GRB10: variants seen among roughly 807,000 people sequenced by gnomAD.
The protein encoded by GRB10 is growth factor receptor bound protein 10.
GRB10 carries 20 observed loss-of-function variants against 80.9 expected under a neutral mutation model. The ratio of observed to expected loss-of-function variants is 0.25; its 90% CI spans 0.17 to 0.36. The LOEUF (loss-of-function observed/expected upper bound fraction) is 0.36, where lower values mean the gene tolerates loss of function less well. Ranked by LOEUF, GRB10 falls within the 10% of genes least tolerant of loss-of-function variation. The pLI, the probability that GRB10 is intolerant of heterozygous loss-of-function variation, is 1.00. For missense variants in GRB10, 548 were observed against 747.7 expected (o/e 0.73, Z 3.12); for synonymous variants, 291 against 291.5 (o/e 1.00, Z 0.02).
In GRB10 at chr7:50,703,943, G is replaced by A. The variant is rs373672690; in HGVS notation, c.52-35C>T. ...CAGGACCGCAGCAGAAAGGCTGTGA[G>A]TTCACAAGAAGCATCCCACTCTTTT... On this transcript the variant is annotated intron_variant, in intron 4 of 18. Transcript: ENST00000401949. 56 of 1,470,240 alleles carry A rather than the reference G, an allele frequency of 3.8e-5. No homozygotes were observed. In the African/African-American group the frequency reaches 7.5e-4, roughly 20 times the overall value. The allele number at this position is 1,470,240 out of a possible 1,614,324, so 91.1% of individuals were successfully genotyped here. A position where few individuals can be genotyped will look rare whatever the true frequency, so the allele number is the denominator to read the frequency against.
At chr7:50,737,722 A>G (rs6593145) in intron 3 of GRB10, among the ~76,000 whole-genome samples, 122,487 of 152,176 alleles carry the variant, frequency 0.8, 49,494 homozygotes, top group Middle Eastern at 0.87. Context: ...GGTGGCAGGC[A>G]CCTGCAATCC....
chr7:50,636,753 G>A (rs763104014), intron 7 of GRB10, among the ~76,000 whole-genome samples: 74 of 152,060 alleles, frequency 4.9e-4, no homozygotes, highest in Non-Finnish European at 9.6e-4. Context: ...AGCCATATAG[G>A]ACAAAACCAC....
chr7:50,653,233 C>T (rs1006075554), intron 7 of GRB10, among the ~76,000 whole-genome samples: 1 of 152,176 alleles, frequency 6.6e-6, no homozygotes, highest in Non-Finnish European at 1.5e-5. Context: ...CCAGTGCATG[C>T]TCCGAGGGAG....
At chr7:50,673,953 G>A (rs1021325481) in intron 6 of GRB10, among the ~76,000 whole-genome samples, 1 of 152,136 alleles carries the variant, frequency 6.6e-6, no homozygotes, top group Non-Finnish European at 1.5e-5. Context: ...CAGCCTCCCT[G>A]TTTCCACAGA....
At chr7:50,701,600 AAATAAT>A in intron 5 of GRB10, among the ~76,000 whole-genome samples, 1 of 150,772 alleles carries the variant, frequency 6.6e-6, no homozygotes, top group Non-Finnish European at 1.5e-5. Context: ...AATAAAAATA[AAATAAT>A]AATCATTCGT....
intron 13 of GRB10, among the ~76,000 whole-genome samples, chr7:50,609,516 C>T (rs1433676626): frequency 1.3e-5 from 2 of 152,126 alleles, no homozygotes; most frequent in African/African-American, 4.8e-5. Context: ...TATATATTTA[C>T]ATATATGGGT....
chr7:50,676,804 G>A (rs2061006281), intron 5 of GRB10, among the ~76,000 whole-genome samples: 1 of 152,170 alleles, frequency 6.6e-6, no homozygotes, highest in Non-Finnish European at 1.5e-5. Flanking sequence ...GTAGTGCTTG[G>A]GCTTCTGGAG....
chr7:50,724,959 A>G (rs150546364), intron 4 of GRB10, among the ~76,000 whole-genome samples: 57 of 152,300 alleles, frequency 3.7e-4, no homozygotes, highest in African/African-American at 1.3e-3. Context: ...CAGGTACGCC[A>G]TGATGCCTTT....
chr7:50,601,215 T>A lies in GRB10; in HGVS notation c.1544+2783A>T, dbSNP rs188257933. Among the ~76,000 whole-genome samples the A allele has an allele frequency of 1.6e-3, 250 of 152,334 alleles. 2 individuals are homozygous for A. The highest frequency in any genetic ancestry group is 3.1e-3 in the Non-Finnish European group (212 of 68,024). On this transcript the variant is annotated intron_variant, in intron 17 of 18. Transcript: ENST00000401949. ...TTTGTACAATGAAATGACAGAAGGATAAACAAACACTAATAAAAGCTGTTT... is the reference window on the plus strand; with the variant it reads ...TTTGTACAATGAAATGACAGAAGGAAAAACAAACACTAATAAAAGCTGTTT...
At position 50,744,773 on chromosome 7, in the gene GRB10, C is replaced by T. The variant is rs537932447; in HGVS notation, c.-47+11114G>A. ...GATTAGCATCACATGGCATTTAAAG[C>T]GTATACTTGCAACATTTGAGCTCAC... On this transcript the variant is annotated intron_variant, in intron 3 of 18. Transcript: ENST00000401949. 9.9e-5 allele frequency among the ~76,000 whole-genome samples: 15 copies of T among 152,234 alleles called. No individual in the cohort carries two copies. The South Asian group carries it at 2.9e-3, about 30-fold the overall frequency.
chr7:50,747,072 C>T (rs1031055605), intron 3 of GRB10, among the ~76,000 whole-genome samples: 2 of 152,222 alleles, frequency 1.3e-5, no homozygotes, highest in Admixed American at 6.5e-5. Context: ...CTCAAATCAG[C>T]AGTCTCTCCA....
chr7:50,742,991 T>A (rs1258479949), intron 3 of GRB10, among the ~76,000 whole-genome samples: 6 of 152,140 alleles, frequency 3.9e-5, no homozygotes, highest in Admixed American at 2.6e-4. Flanking sequence ...AAGTACTAGA[T>A]CCCTAACTAA....
chr7:50,756,967 G>A (rs1247138908), intron 2 of GRB10, among the ~76,000 whole-genome samples: 4 of 152,178 alleles, frequency 2.6e-5, no homozygotes, highest in Non-Finnish European at 4.4e-5. Context: ...TGCCTGCAAC[G>A]TGGGTGATCT....
In GRB10 at chr7:50,592,641, C is replaced by T; in HGVS notation, c.*311G>A. 1 of 439,780 alleles carries T rather than the reference C, an allele frequency of 2.3e-6. No homozygotes were observed. Among genetic ancestry groups the T allele is most frequent in the South Asian group, 2.4e-5 (1 of 42,082 alleles). The allele number at this position is 439,780 out of a possible 1,614,324, so 27.2% of individuals were successfully genotyped here. The stretch of plus-strand genomic sequence containing the variant: ...GGCAAGAGTTCATTTCCAATCACTT[C>T]TCTCCGGTTCTTGTTCCTAAGCGGC... On this transcript the variant is annotated 3_prime_UTR_variant, in exon 19 of 19. Transcript: ENST00000401949.
intron 17 of GRB10, among the ~76,000 whole-genome samples, chr7:50,599,157 C>A (rs1163849992): frequency 1.3e-5 from 2 of 152,050 alleles, no homozygotes; most frequent in Non-Finnish European, 2.9e-5. Flanking sequence ...TGTGCGCGCA[C>A]ACGCTCAGCT....
chr7:50,785,872 C>T (rs960317862), upstream of GRB10, among the ~76,000 whole-genome samples: 6 of 152,094 alleles, frequency 3.9e-5, no homozygotes, highest in African/African-American at 7.2e-5. Flanking sequence ...ATGAGATAGA[C>T]GTATCTATGA....
intron 7 of GRB10, among the ~76,000 whole-genome samples, chr7:50,653,705 C>T (rs950904070): frequency 3.9e-5 from 6 of 152,190 alleles, no homozygotes; most frequent in African/African-American, 1.2e-4. Flanking sequence ...AACGATGCAT[C>T]GGGAAGAGAC....
intron 4 of GRB10, chr7:50,727,207 A>G (rs2068793603): frequency 6.6e-6 from 1 of 152,172 alleles, no homozygotes; most frequent in Non-Finnish European, 1.5e-5. Flanking sequence ...AGGCTGTCGA[A>G]TATGTTAGTT....
intron 7 of GRB10, among the ~76,000 whole-genome samples, chr7:50,649,219 A>G (rs911277604): frequency 1.1e-4 from 16 of 152,194 alleles, no homozygotes; most frequent in African/African-American, 3.6e-4. Flanking sequence ...CAGAGAACAA[A>G]CAAAATAATC....
Sources: allele counts gnomAD v4.1 joint callset (sites outside exome capture counted in the v4.1 genomes callset), GRCh38; gene constraint gnomAD v4.1.1; transcripts MANE v1.5; gene names NCBI Gene and HGNC (gene_info 2026-07-23, HGNC 2026-07-21).